The following HMCN1 variants were observed in gnomAD, a reference collection of about 807,000 sequenced individuals.
The protein encoded by HMCN1 is hemicentin 1.
HMCN1 carries 321 observed loss-of-function variants against 625.9 expected under a neutral mutation model. The ratio of observed to expected loss-of-function variants is 0.51; its 90% CI spans 0.47 to 0.56. HMCN1 has a LOEUF of 0.56. Among genes scored for constraint, HMCN1 ranks in the 20% least tolerant of loss-of-function variants. The probability of loss-of-function intolerance (pLI) is 0.00; values close to 1 mark genes in which losing one functional copy is unlikely to be tolerated. For missense variants in HMCN1, 6,588 were observed against 6,887.3 expected (o/e 0.96, Z 1.54); for synonymous variants, 2,425 against 2,417.6 (o/e 1.00, Z -0.09).
chr1:185,930,778 T>A (rs1667504709), intron 10 of HMCN1, among the ~76,000 whole-genome samples: 6 of 152,132 alleles, frequency 3.9e-5, no homozygotes, highest in Admixed American at 3.3e-4. Context: ...ACACATAGAA[T>A]CTAATGAATA....
chr1:185,849,192 C>G (rs993239900), intron 2 of HMCN1, among the ~76,000 whole-genome samples: 22 of 152,098 alleles, frequency 1.4e-4, no homozygotes, highest in African/African-American at 4.8e-4. Context: ...TAGAGCTTCC[C>G]CATATCTGTA....
intron 81 of HMCN1, among the ~76,000 whole-genome samples, chr1:186,125,021 G>T (rs1661577380): frequency 1.3e-5 from 2 of 152,208 alleles, no homozygotes; most frequent in South Asian, 4.1e-4. Context: ...ATACTGTGCA[G>T]TTATAAAGTC....
At chr1:185,989,797 G>C in intron 21 of HMCN1, 150 bp downstream of exon 21, 1 of 691,698 alleles carries the variant, frequency 1.4e-6, no homozygotes, top group Admixed American at 3.3e-5. Flanking sequence ...TTTTTTTACA[G>C]AAATGCATTT....
intron 1 of HMCN1, among the ~76,000 whole-genome samples, chr1:185,830,874 C>A (rs1228917467): frequency 6.6e-6 from 1 of 150,968 alleles, no homozygotes; most frequent in East Asian, 1.9e-4. Flanking sequence ...GGTGACAGAG[C>A]AAGACTCCAA....
chr1:186,154,934 G>C (rs1335011531), intron 97 of HMCN1, among the ~76,000 whole-genome samples: 2 of 152,152 alleles, frequency 1.3e-5, no homozygotes, highest in Non-Finnish European at 2.9e-5. Context: ...GGGTTTTAAT[G>C]CTGGGATGAT....
At chr1:186,053,101 A>T (rs766846478) in intron 43 of HMCN1, 27 bp downstream of exon 43, 8 of 1,566,520 alleles carry the variant, frequency 5.1e-6, no homozygotes, top group Non-Finnish European at 8.8e-7. Flanking sequence ...GAAATTTATA[A>T]AATTAAAGAA....
intron 82 of HMCN1, among the ~76,000 whole-genome samples, chr1:186,126,257 A>G (rs1377208464): frequency 6.6e-6 from 1 of 151,948 alleles, no homozygotes; most frequent in Non-Finnish European, 1.5e-5. Flanking sequence ...AAATATTCAT[A>G]TATATTCATA....
chr1:186,064,852 C>T (rs1046493609), intron 48 of HMCN1, among the ~76,000 whole-genome samples: 8 of 147,584 alleles, frequency 5.4e-5, no homozygotes, highest in East Asian at 3.9e-4. Flanking sequence ...AAGCTGTTCA[C>T]GAATAATAGT....
At chr1:186,012,586 C>A (rs969779383) in intron 30 of HMCN1, among the ~76,000 whole-genome samples, 1 of 152,064 alleles carries the variant, frequency 6.6e-6, no homozygotes, top group African/African-American at 2.4e-5. Context: ...CGCTGAAAGG[C>A]TAAGAATCCT....
intron 105 of HMCN1, among the ~76,000 whole-genome samples, chr1:186,187,537 A>C (rs1310849172): frequency 6.6e-6 from 1 of 152,206 alleles, no homozygotes; most frequent in African/African-American, 2.4e-5. Flanking sequence ...TGGCTTGTTC[A>C]TAGTGCATTT....
chr1:185,985,964 G>C (rs1476002110), intron 19 of HMCN1, among the ~76,000 whole-genome samples: 1 of 152,200 alleles, frequency 6.6e-6, no homozygotes, highest in African/African-American at 2.4e-5. Context: ...AATGTCATTA[G>C]ATTTCAAAAC....
intron 85 of HMCN1, 57 bp from the exon 86 acceptor site, chr1:186,132,271 G>A (rs1661978046): frequency 1.6e-6 from 2 of 1,225,916 alleles, no homozygotes; most frequent in African/African-American, 1.5e-5. Context: ...GGTGAAAAAA[G>A]TGATTGCCCT....
Position 186,001,758 on chromosome 1 carries a change from T to C in HMCN1, c.4348+17T>C. ...ATGTGCTAGGTAAGAAATACATCCT[T>C]TTAAAAAACTACAATTCAGAAGCAT... On this transcript the variant is annotated intron_variant, in intron 28 of 106. Transcript: ENST00000271588. 6.2e-7 allele frequency: 1 copy of C among 1,601,930 alleles called. No individual in the cohort carries two copies. Among genetic ancestry groups the C allele is most frequent in the Non-Finnish European group, 8.5e-7 (1 of 1,169,648 alleles).
intron 11 of HMCN1, among the ~76,000 whole-genome samples, chr1:185,949,044 A>G (rs1668502854): frequency 6.6e-6 from 1 of 151,890 alleles, no homozygotes; most frequent in African/African-American, 2.4e-5. Flanking sequence ...ACAGGTATAA[A>G]AGGTCTAAGA....
At chr1:185,808,837 C>T (rs1007347211) in intron 1 of HMCN1, among the ~76,000 whole-genome samples, 1 of 152,096 alleles carries the variant, frequency 6.6e-6, no homozygotes, top group African/African-American at 2.4e-5. Context: ...TGGCATTCAA[C>T]ATGGATCTTT....
At chr1:186,117,199 CTT>C in intron 76 of HMCN1, 84 bp downstream of exon 76, 8 of 1,256,884 alleles carry the variant, frequency 6.4e-6, no homozygotes, top group South Asian at 1.4e-5. Context: ...GATCCCTTTT[CTT>C]TTTTTTTTTA....
At chr1:185,785,758 G>A (rs1657521771) in intron 1 of HMCN1, among the ~76,000 whole-genome samples, 1 of 152,154 alleles carries the variant, frequency 6.6e-6, no homozygotes, top group South Asian at 2.1e-4. Flanking sequence ...GTGGCTGATA[G>A]CAGACTCTCT....
chr1:186,036,812 A>C (rs4650692), intron 36 of HMCN1, among the ~76,000 whole-genome samples: 2 of 151,568 alleles, frequency 1.3e-5, no homozygotes, highest in African/African-American at 2.4e-5. Flanking sequence ...GGCTGGTCTC[A>C]AACTCCTGAC....
Position 185,892,737 on chromosome 1 carries a change from G to T in HMCN1, c.622-16600G>T, listed in dbSNP as rs1285491936. ...AAAGCTGTCAGACAGGGACATTTAA[G>T]TCTGCAGAGGTTACTGCCGTCTTTT... On this transcript the variant is annotated intron_variant, in intron 4 of 106. Transcript: ENST00000271588. Among the ~76,000 whole-genome samples the T allele has an allele frequency of 2.0e-5, 3 of 152,088 alleles. No individual in the cohort carries two copies. The East Asian group carries it at 5.8e-4, about 29-fold the overall frequency.
Sources: allele counts gnomAD v4.1 joint callset (sites outside exome capture counted in the v4.1 genomes callset), GRCh38; gene constraint gnomAD v4.1.1; transcripts MANE v1.5; gene names NCBI Gene and HGNC (gene_info 2026-07-23, HGNC 2026-07-21).